PCSK5: variants seen among roughly 807,000 people sequenced by gnomAD.
PCSK5 encodes prohormone convertase 5.
A neutral mutation model predicts 233.2 loss-of-function variants in PCSK5; 129 were observed. That is an observed-to-expected ratio of 0.55 (90% CI 0.48 to 0.64). PCSK5 has a LOEUF of 0.64. Among genes scored for constraint, PCSK5 ranks in the 30% least tolerant of loss-of-function variants. The probability of loss-of-function intolerance (pLI) is 0.00; values close to 1 mark genes in which losing one functional copy is unlikely to be tolerated. For synonymous variants in PCSK5, 825 were observed against 879.2 expected (o/e 0.94, Z 1.09); for missense variants, 2,076 against 2,430.1 (o/e 0.85, Z 3.06).
At chr9:76,107,510 T>C (rs1022613708) in intron 9 of PCSK5, among the ~76,000 whole-genome samples, 159 bp downstream of exon 9, 2 of 152,192 alleles carry the variant, frequency 1.3e-5, no homozygotes, top group Admixed American at 1.3e-4. Flanking sequence ...TTAAAAAAAA[T>C]TCCCCTATAT....
intron 1 of PCSK5, among the ~76,000 whole-genome samples, chr9:75,915,170 A>G (rs1277529037): frequency 6.6e-6 from 1 of 152,160 alleles, no homozygotes; most frequent in Non-Finnish European, 1.5e-5. Context: ...ACCGTGTTAT[A>G]ATGGGGATGC....
chr9:76,317,194 T>A (rs1186515582), intron 30 of PCSK5, among the ~76,000 whole-genome samples: 1 of 151,948 alleles, frequency 6.6e-6, no homozygotes, highest in East Asian at 1.9e-4. Context: ...AGCCCCATCT[T>A]TACTAAAAAA....
Position 76,227,400 on chromosome 9 carries a change from C to A in PCSK5, c.2627-103C>A, listed in dbSNP as rs1051745855. On this transcript the variant is annotated intron_variant, in intron 20 of 37. Coordinates refer to ENST00000674117, the MANE Select transcript of PCSK5 (RefSeq NM_001372043.1). The stretch of plus-strand genomic sequence containing the variant: ...GGGCCTCTCCTCTCTGTGTTGTCTG[C>A]ATTGCTTTCAGGCAGCCACAGAGAT... The A allele has an allele frequency of 5.3e-6, 4 of 755,092 alleles. No homozygotes were observed. In the African/African-American group the frequency reaches 6.9e-5, roughly 13 times the overall value. The allele number at this position is 755,092 out of a possible 1,614,324, so 46.8% of individuals were successfully genotyped here.
chr9:75,935,557 A>T (rs1443152418), intron 2 of PCSK5, among the ~76,000 whole-genome samples: 1 of 152,238 alleles, frequency 6.6e-6, no homozygotes, highest in East Asian at 1.9e-4. Context: ...ACTTAATATT[A>T]TCTAATCTAC....
intron 24 of PCSK5, among the ~76,000 whole-genome samples, chr9:76,270,707 G>A (rs1423297604): frequency 1.3e-5 from 2 of 152,146 alleles, no homozygotes; most frequent in Non-Finnish European, 2.9e-5. Context: ...AATGTGATGT[G>A]GGCTTTTGCT....
At chr9:76,100,774 T>C (rs1184754645) in intron 8 of PCSK5, among the ~76,000 whole-genome samples, 1 of 152,196 alleles carries the variant, frequency 6.6e-6, no homozygotes, top group African/African-American at 2.4e-5. Context: ...TTACCCTTTT[T>C]CATACCCCCT....
At chr9:76,180,492 T>C (rs1273842536) in intron 15 of PCSK5, among the ~76,000 whole-genome samples, 1 of 152,158 alleles carries the variant, frequency 6.6e-6, no homozygotes, top group African/African-American at 2.4e-5. Context: ...AGGTGGACCC[T>C]GTGCCTCTGA....
chr9:76,039,282 A>G (rs1828995788), intron 5 of PCSK5, among the ~76,000 whole-genome samples: 1 of 152,204 alleles, frequency 6.6e-6, no homozygotes, highest in African/African-American at 2.4e-5. Context: ...GTTGAAACAA[A>G]CAAACAAAAA....
At chr9:76,098,200 A>G (rs1480851011) in intron 8 of PCSK5, among the ~76,000 whole-genome samples, 1 of 152,162 alleles carries the variant, frequency 6.6e-6, no homozygotes, top group African/African-American at 2.4e-5. Context: ...GCCTACCCAT[A>G]TACATGTCCC....
At chr9:75,891,814 A>G (rs531946693) in intron 1 of PCSK5, among the ~76,000 whole-genome samples, 1 of 151,950 alleles carries the variant, frequency 6.6e-6, no homozygotes, top group South Asian at 2.1e-4. Context: ...GGGAAGGGAA[A>G]GCCTTTCCTG....
At chr9:76,193,536 A>G (rs921927172) in intron 20 of PCSK5, 2 of 517,488 alleles carry the variant, frequency 3.9e-6, no homozygotes, top group Non-Finnish European at 6.7e-6. Flanking sequence ...GTCAGAACTT[A>G]AATGGAAAAA....
intron 10 of PCSK5, among the ~76,000 whole-genome samples, chr9:76,141,982 G>A (rs1823248098): frequency 6.6e-6 from 1 of 152,026 alleles, no homozygotes; most frequent in Non-Finnish European, 1.5e-5. Context: ...TACTTGAGCG[G>A]GGAGCGTGGG....
chr9:76,244,891 T>C (rs771693013), intron 24 of PCSK5, among the ~76,000 whole-genome samples: 18 of 152,236 alleles, frequency 1.2e-4, no homozygotes, highest in Non-Finnish European at 2.2e-4. Context: ...TTTTATATAA[T>C]ACTATTCTGC....
chr9:76,141,574 C>T lies in PCSK5; in HGVS notation c.1312+7362C>T, dbSNP rs7041668. On this transcript the variant is annotated intron_variant, in intron 10 of 37. Coordinates refer to ENST00000674117, the MANE Select transcript of PCSK5 (RefSeq NM_001372043.1). ...ACATCCATGTGACCATCACCACAGTCGAGTTATAGAAACCTCTGTCACCCT... is the reference window on the plus strand; with the variant it reads ...ACATCCATGTGACCATCACCACAGTTGAGTTATAGAAACCTCTGTCACCCT... Among the ~76,000 whole-genome samples, 21 of 151,534 alleles carry T rather than the reference C, an allele frequency of 1.4e-4. 1 individual carries two copies. The highest frequency in any genetic ancestry group is 4.0e-4 in the Admixed American group (6 of 15,172).
intron 8 of PCSK5, among the ~76,000 whole-genome samples, chr9:76,100,353 T>C (rs185051319): frequency 1.0e-3 from 153 of 152,388 alleles, no homozygotes; most frequent in Non-Finnish European, 1.9e-3. Flanking sequence ...TATTAACATG[T>C]TGAAAATATC....
At chr9:76,211,728 G>T (rs1039940670) in intron 20 of PCSK5, among the ~76,000 whole-genome samples, 2 of 152,160 alleles carry the variant, frequency 1.3e-5, no homozygotes, top group Non-Finnish European at 2.9e-5. Flanking sequence ...CACGCCTGTG[G>T]TCCCAGCTAC....
At chr9:76,043,125 T>C (rs1829196400) in intron 5 of PCSK5, among the ~76,000 whole-genome samples, 1 of 152,040 alleles carries the variant, frequency 6.6e-6, no homozygotes, top group Admixed American at 6.5e-5. Flanking sequence ...GGCGGGCGGA[T>C]CACAGGGTCA....
At chr9:76,058,165 T>C (rs1829892299) in intron 5 of PCSK5, among the ~76,000 whole-genome samples, 1 of 152,220 alleles carries the variant, frequency 6.6e-6, no homozygotes, top group Non-Finnish European at 1.5e-5. Context: ...GACTTTTTAG[T>C]GCATGGTTGA....
At chr9:75,911,436 A>G (rs1271547043) in intron 1 of PCSK5, among the ~76,000 whole-genome samples, 2 of 151,886 alleles carry the variant, frequency 1.3e-5, no homozygotes, top group African/African-American at 2.4e-5. Flanking sequence ...TTCATTGCAA[A>G]TATTTTACAG....
Sources: gnomAD v4.1 joint callset for allele counts (sites outside exome capture counted in the v4.1 genomes callset) on GRCh38, gnomAD v4.1.1 for gene constraint, MANE v1.5 for transcripts, NCBI Gene and HGNC (gene_info 2026-07-23, HGNC 2026-07-21) for gene names.